Variants in NUFIP2 observed in about 807,000 individuals in gnomAD.
The protein encoded by NUFIP2 is nuclear FMR1 interacting protein 2.
A neutral mutation model predicts 56.9 loss-of-function variants in NUFIP2; 6 were observed. That is an observed-to-expected ratio of 0.11 (90% confidence interval 0.06 to 0.21). The LOEUF is 0.21. Ranked by LOEUF, NUFIP2 falls within the 10% of genes least tolerant of loss-of-function variation. The pLI, the probability that NUFIP2 is intolerant of heterozygous loss-of-function variation, is 1.00. For missense variants in NUFIP2, 828 were observed against 826.8 expected (o/e 1.00, Z -0.02); for synonymous variants, 321 against 298.2 (o/e 1.08, Z -0.79).
At chr17:29,285,297 C>T (rs963229259) in intron 2 of NUFIP2, among the ~76,000 whole-genome samples, 1 of 147,286 alleles carries the variant, frequency 6.8e-6, no homozygotes, top group Non-Finnish European at 1.5e-5. Flanking sequence ...GAGACTCTGT[C>T]TCAAAAACAA....
intron 2 of NUFIP2, among the ~76,000 whole-genome samples, chr17:29,278,110 T>C (rs923538662): frequency 2.6e-5 from 4 of 152,162 alleles, no homozygotes; most frequent in African/African-American, 7.2e-5. Flanking sequence ...GTAGACCCCT[T>C]AATGAACTCT....
At chr17:29,288,206 G>A (rs1449936354) in intron 1 of NUFIP2, among the ~76,000 whole-genome samples, 2 of 152,174 alleles carry the variant, frequency 1.3e-5, no homozygotes, top group South Asian at 2.1e-4. Flanking sequence ...ACCACGCTCG[G>A]CTAATTCTTT....
rs928294950 is a variant in NUFIP2, at chr17:29,256,018, G to A, written c.*8521C>T. ...GACATCAATAAAGGAAGATCATCAC[G>A]TAAATGACACTTCCTCAGAATCCAT... On this transcript the variant is annotated 3_prime_UTR_variant, in exon 4 of 4. Coordinates refer to ENST00000225388, the MANE Select transcript of NUFIP2 (RefSeq NM_020772.3). 1.3e-5 allele frequency: 2 copies of A among 152,140 alleles called. No individual in the cohort carries two copies. Among genetic ancestry groups the A allele is most frequent in the African/African-American group, 4.8e-5 (2 of 41,416 alleles). 9.4% of individuals were successfully genotyped at this position (152,140 alleles called of 1,614,324 possible). A position where few individuals can be genotyped will look rare whatever the true frequency, so the allele number is the denominator to read the frequency against.
intron 2 of NUFIP2, among the ~76,000 whole-genome samples, chr17:29,284,369 C>A (rs1366988949): frequency 6.6e-6 from 1 of 152,070 alleles, no homozygotes; most frequent in East Asian, 1.9e-4. Flanking sequence ...TGCCATACAG[C>A]GAATTTTTCT....
intron 2 of NUFIP2, among the ~76,000 whole-genome samples, chr17:29,285,541 G>A (rs373347904): frequency 2.4e-4 from 36 of 148,330 alleles, no homozygotes; most frequent in African/African-American, 8.7e-4. Flanking sequence ...CAGTGGGCCG[G>A]GATTACGCCA....
chr17:29,271,895 ATCCCATC>A (rs1031012145), intron 2 of NUFIP2, among the ~76,000 whole-genome samples: 1 of 151,800 alleles, frequency 6.6e-6, no homozygotes, highest in African/African-American at 2.4e-5. Flanking sequence ...ACATGGTGAA[ATCCCATC>A]TCTACTAAAA....
Position 29,285,172 on chromosome 17 carries a change from T to G in NUFIP2, c.2002+820A>C, listed in dbSNP as rs894033670. Among the ~76,000 whole-genome samples, 8 of 151,934 alleles carry G rather than the reference T, an allele frequency of 5.3e-5. No individual in the cohort carries two copies. In the East Asian group the frequency reaches 1.4e-3, roughly 26 times the overall value. On this transcript the variant is annotated intron_variant, in intron 2 of 3. Transcript: ENST00000225388. Reference sequence around the variant, plus strand: ...AAAATTAGCTGGGCGTGGTGGCGCATGGCTGTAATCCCAGCTACTCGGGAG... The same window carrying G: ...AAAATTAGCTGGGCGTGGTGGCGCAGGGCTGTAATCCCAGCTACTCGGGAG...
At chr17:29,285,577 G>T (rs867859014) in intron 2 of NUFIP2, among the ~76,000 whole-genome samples, 1 of 152,080 alleles carries the variant, frequency 6.6e-6, no homozygotes, top group African/African-American at 2.4e-5. Context: ...GCAAGAGAGT[G>T]AGACTCCATC....
At position 29,286,656 on chromosome 17, in the gene NUFIP2, G is replaced by C. The variant is rs1432586772; in HGVS notation, c.1338C>G (p.Ile446Met). ...LTTAANTLTP[I>M]SSGTDSVLQD... ...GGAGAACTGAATCTGTCCCAGAAGA[G>C]ATGGGTGTTAGAGTATTAGCAGCAG... Residue 446 changes from isoleucine to methionine, a missense_variant, in exon 2 of 4, where the codon ATC becomes ATG. Ile to Met is a conservative substitution (Grantham distance 10). Coordinates refer to ENST00000225388, the MANE Select transcript of NUFIP2 (RefSeq NM_020772.3). 1.2e-6 allele frequency: 2 copies of C among 1,614,180 alleles called. No individual in the cohort carries two copies. Among genetic ancestry groups the C allele is most frequent in the Non-Finnish European group, 1.7e-6 (2 of 1,180,028 alleles).
rs747290650 is a variant in NUFIP2 at position 29,293,993 on chromosome 17, GGTGATGGTGCGGATGGTGGTGGCT to G, written c.43_66del (p.Ser15_His22del). On this transcript the variant is annotated inframe_deletion, in exon 1 of 4. Transcript: ENST00000225388. Reference sequence around the variant, plus strand: ...TGCGGCTGCTGCTGCTGCTGCTGAGGGTGATGGTGCGGATGGTGGTGGCTGTGATGGTGCTGAGGCTGTGGCTGG... The same window carrying G: ...TGCGGCTGCTGCTGCTGCTGCTGAGGGTGATGGTGCTGAGGCTGTGGCTGG... The G allele has an allele frequency of 1.4e-5, 22 of 1,613,106 alleles. No homozygotes were observed. The highest frequency in any genetic ancestry group is 6.7e-5 in the African/African-American group (5 of 74,840).
At chr17:29,283,647 A>G (rs2069153418) in intron 2 of NUFIP2, among the ~76,000 whole-genome samples, 1 of 152,202 alleles carries the variant, frequency 6.6e-6, no homozygotes, top group Non-Finnish European at 1.5e-5. Flanking sequence ...AGGCTCACAC[A>G]ATGATCGCCA....
At chr17:29,280,528 A>C (rs575155463) in intron 2 of NUFIP2, among the ~76,000 whole-genome samples, 1 of 152,082 alleles carries the variant, frequency 6.6e-6, no homozygotes, top group African/African-American at 2.4e-5. Context: ...GGAATTCCAG[A>C]CCAGCCCAGA....
chr17:29,270,494 A>G (rs2069065439), intron 2 of NUFIP2, among the ~76,000 whole-genome samples: 1 of 152,136 alleles, frequency 6.6e-6, no homozygotes, highest in South Asian at 2.1e-4. Context: ...TTAAAAGTCC[A>G]AATACAAGCC....
Position 29,260,501 on chromosome 17 carries a change from C to T in NUFIP2, c.*4038G>A, listed in dbSNP as rs1416341517. 6.6e-6 allele frequency: 1 copy of T among 152,156 alleles called. No homozygotes were observed. Among genetic ancestry groups the T allele is most frequent in the Admixed American group, 6.5e-5 (1 of 15,276 alleles). The allele number at this position is 152,156 out of a possible 1,614,324, so 9.4% of individuals were successfully genotyped here. A position where few individuals can be genotyped will look rare whatever the true frequency, so the allele number is the denominator to read the frequency against. ...GTAGGAATGACTCCGTCCTTATTTA[C>T]AGTGGAATTAAAATTGAGTAAAGTC... On this transcript the variant is annotated 3_prime_UTR_variant, in exon 4 of 4. Coordinates refer to ENST00000225388, the MANE Select transcript of NUFIP2 (RefSeq NM_020772.3).
rs10550408 is a variant in NUFIP2 at position 29,259,589 on chromosome 17, T to TGGGGGG, written c.*4944_*4949dup. The TGGGGGG allele has an allele frequency of 9.3e-6, 1 of 107,012 alleles. No individual in the cohort carries two copies. Among genetic ancestry groups the TGGGGGG allele is most frequent in the African/African-American group, 3.6e-5 (1 of 28,138 alleles). The allele number at this position is 107,012 out of a possible 1,614,324, so 6.6% of individuals were successfully genotyped here. A position where few individuals can be genotyped will look rare whatever the true frequency, so the allele number is the denominator to read the frequency against. On this transcript the variant is annotated 3_prime_UTR_variant, in exon 4 of 4. Coordinates refer to ENST00000225388, the MANE Select transcript of NUFIP2 (RefSeq NM_020772.3). ...ACAGTCCGTCTCAAAAAAAAAAAGG[T>TGGGGGG]GGGGGGGGGGGGGATACTGCAGTAT...
intron 2 of NUFIP2, among the ~76,000 whole-genome samples, chr17:29,268,988 C>G (rs934256608): frequency 6.6e-5 from 10 of 152,032 alleles, no homozygotes; most frequent in Non-Finnish European, 1.2e-4. Context: ...CAAATTATAG[C>G]GACATACACA....
intron 2 of NUFIP2, among the ~76,000 whole-genome samples, chr17:29,271,532 G>A (rs1473783624): frequency 1.3e-5 from 2 of 148,414 alleles, no homozygotes; most frequent in Non-Finnish European, 3.0e-5. Context: ...GCAAGACTCC[G>A]TCTCAAAAAA....
At chr17:29,277,683 C>T (rs917082471) in intron 2 of NUFIP2, among the ~76,000 whole-genome samples, 5 of 152,136 alleles carry the variant, frequency 3.3e-5, no homozygotes, top group African/African-American at 4.8e-5. Flanking sequence ...ATTTCTACCA[C>T]CCTTTTTCAG....
chr17:29,265,924 C>T lies in NUFIP2; in HGVS notation c.2036-1333G>A, dbSNP rs572091800. ...GAACATGCTCATTCCTAAGAGTTAA[C>T]GGCCATTTTACAGTAAAAACAGGTA... On this transcript the variant is annotated intron_variant, in intron 3 of 3. Coordinates refer to ENST00000225388, the MANE Select transcript of NUFIP2 (RefSeq NM_020772.3). 1.4e-4 allele frequency among the ~76,000 whole-genome samples: 21 copies of T among 152,192 alleles called. No individual in the cohort carries two copies. The South Asian group carries it at 3.9e-3, about 29-fold the overall frequency.
Sources: gnomAD v4.1 joint callset for allele counts (sites outside exome capture counted in the v4.1 genomes callset) on GRCh38, gnomAD v4.1.1 for gene constraint, MANE v1.5 for transcripts, NCBI Gene and HGNC (gene_info 2026-07-23, HGNC 2026-07-21) for gene names.